The following GXYLT2 variants were observed in gnomAD, a reference collection of about 807,000 sequenced individuals.
The protein encoded by GXYLT2 is glycosyltransferase 8 domain containing 4.
GXYLT2 carries 53 observed loss-of-function variants against 45.8 expected under a neutral mutation model. The observed-to-expected ratio is 1.16, with a 90% CI of 0.93 to 1.46. The LOEUF (loss-of-function observed/expected upper bound fraction) is 1.46. GXYLT2 is among the 40% of genes most tolerant of loss of function. The pLI is 0.00. For missense variants in GXYLT2, 551 were observed against 544.4 expected, an observed-to-expected ratio of 1.01 and a Z score of -0.12; for synonymous variants, 219 against 214.2, an observed-to-expected ratio of 1.02 and a Z score of -0.19.
chr3:72,904,151 T>A (rs1035623889), intron 1 of GXYLT2, among the ~76,000 whole-genome samples: 1 of 152,234 alleles, frequency 6.6e-6, no homozygotes, highest in Non-Finnish European at 1.5e-5. Context: ...AAGAACGTTA[T>A]TAACCATCAG....
chr3:72,921,153 C>T (rs574506910), intron 2 of GXYLT2, among the ~76,000 whole-genome samples: 23 of 151,624 alleles, frequency 1.5e-4, no homozygotes, highest in African/African-American at 5.3e-4. Context: ...AAGACAGAAC[C>T]ATTCATTCAG....
At chr3:72,955,455 A>G (rs886246320) in intron 4 of GXYLT2, 106 bp downstream of exon 4, 42 of 955,454 alleles carry the variant, frequency 4.4e-5, no homozygotes, top group Non-Finnish European at 4.7e-5. Flanking sequence ...TGGGTGGCCT[A>G]TAGGTGAGGA....
chr3:72,928,785 C>CAA (rs10688804), intron 3 of GXYLT2, among the ~76,000 whole-genome samples: 8,114 of 150,218 alleles, frequency 0.054, 651 homozygotes, highest in African/African-American at 0.18. Context: ...GAAATAACTC[C>CAA]AAAAAAAAAC....
chr3:72,955,973 G>A (rs1261382579), intron 4 of GXYLT2, among the ~76,000 whole-genome samples: 3 of 152,140 alleles, frequency 2.0e-5, no homozygotes, highest in Non-Finnish European at 4.4e-5. Context: ...AGCTATTCAG[G>A]AGCCTAAGGC....
chr3:72,915,356 C>CTTTT (rs1297808276), intron 2 of GXYLT2, among the ~76,000 whole-genome samples: 1 of 17,454 alleles, frequency 5.7e-5, no homozygotes, highest in African/African-American at 2.0e-4. Flanking sequence ...TTTTTTTTTG[C>CTTTT]GGGGGGGGGG....
At chr3:72,929,311 CTG>C in intron 3 of GXYLT2, 1 of 1,174,712 alleles carries the variant, frequency 8.5e-7, no homozygotes, top group Non-Finnish European at 1.3e-6. Context: ...AGAAACCAGA[CTG>C]TGACGACTGG....
At chr3:72,958,272 CAAA>C (rs59128233) in intron 5 of GXYLT2, among the ~76,000 whole-genome samples, 24,028 of 127,366 alleles carry the variant, frequency 0.19, 2,982 homozygotes, top group East Asian at 0.45. Context: ...GACTCTGTCT[CAAA>C]AAAAAAAAAA....
At chr3:72,892,820 G>A (rs1709206889) in intron 1 of GXYLT2, among the ~76,000 whole-genome samples, 1 of 152,196 alleles carries the variant, frequency 6.6e-6, no homozygotes. Flanking sequence ...ATGATATTAT[G>A]TAGTGTGAGT....
chr3:72,913,376 G>A (rs1709672844), intron 2 of GXYLT2, among the ~76,000 whole-genome samples: 1 of 151,358 alleles, frequency 6.6e-6, no homozygotes, highest in South Asian at 2.1e-4. Flanking sequence ...CTCATCTAAT[G>A]AAGGAAATTA....
intron 3 of GXYLT2, among the ~76,000 whole-genome samples, chr3:72,954,332 T>C (rs918713306): frequency 6.6e-6 from 1 of 151,502 alleles, no homozygotes; most frequent in Non-Finnish European, 1.5e-5. Flanking sequence ...GGTCTCGATC[T>C]CTTGACCTCG....
chr3:72,943,885 T>C (rs1193383654), intron 3 of GXYLT2, among the ~76,000 whole-genome samples: 1 of 151,858 alleles, frequency 6.6e-6, no homozygotes, highest in Non-Finnish European at 1.5e-5. Flanking sequence ...AGCCTTGCTA[T>C]GTTGCCCAGG....
intron 3 of GXYLT2, among the ~76,000 whole-genome samples, chr3:72,938,751 G>T (rs1268787828): frequency 6.6e-6 from 1 of 152,172 alleles, no homozygotes; most frequent in Non-Finnish European, 1.5e-5. Context: ...GTTACGCAAG[G>T]CCTGTGGAAA....
In GXYLT2 at chr3:72,888,294, G is replaced by A; in HGVS notation, c.61G>A (p.Ala21Thr). The A allele has an allele frequency of 1.0e-6, 1 of 993,996 alleles. No individual in the cohort carries two copies. Among genetic ancestry groups the A allele is most frequent in the Non-Finnish European group, 1.2e-6 (1 of 838,090 alleles). The allele number at this position is 993,996 out of a possible 1,614,324, so 61.6% of individuals were successfully genotyped here. A position where few individuals can be genotyped will look rare whatever the true frequency, so the allele number is the denominator to read the frequency against. Reference protein sequence around the residue: ...LLLALAALLLALLSLRAGRAE... With the variant: ...LLLALAALLLTLLSLRAGRAE... ...GCTCGCGCTGGCCGCGCTGCTGCTGGCGCTGCTGTCCCTGCGCGCTGGCCG... is the reference window on the plus strand; with the variant it reads ...GCTCGCGCTGGCCGCGCTGCTGCTGACGCTGCTGTCCCTGCGCGCTGGCCG... Residue 21 changes from alanine (A) to threonine (T), a missense_variant, in exon 1 of 7, where the codon GCG becomes ACG. By Grantham distance (58) the Ala-to-Thr change is moderately conservative. Transcript: ENST00000389617.
intron 1 of GXYLT2, among the ~76,000 whole-genome samples, chr3:72,896,402 C>G (rs900505165): frequency 2.0e-5 from 3 of 151,486 alleles, no homozygotes; most frequent in Non-Finnish European, 4.4e-5. Flanking sequence ...TAGTGAGACA[C>G]CCATCTCTAT....
At chr3:72,907,848 T>TC (rs915908874) in intron 1 of GXYLT2, among the ~76,000 whole-genome samples, 15 of 152,280 alleles carry the variant, frequency 9.9e-5, no homozygotes, top group African/African-American at 3.6e-4. Flanking sequence ...TTTGCTCACC[T>TC]CCCAGACTTG....
intron 1 of GXYLT2, among the ~76,000 whole-genome samples, chr3:72,889,567 G>T (rs555277482): frequency 1.3e-5 from 2 of 152,216 alleles, no homozygotes; most frequent in Non-Finnish European, 2.9e-5. Flanking sequence ...ACAATCTGTC[G>T]CTTTAAAGTA....
intron 1 of GXYLT2, among the ~76,000 whole-genome samples, chr3:72,898,416 C>T (rs771600590): frequency 6.6e-6 from 1 of 152,078 alleles, no homozygotes; most frequent in African/African-American, 2.4e-5. Flanking sequence ...ATCTCAATAA[C>T]ATGTTAATTT....
rs906969201 is a variant in GXYLT2, at chr3:72,975,246, A to G, written c.*87A>G. 1.0e-6 allele frequency: 1 copy of G among 996,678 alleles called. No homozygotes were observed. Among genetic ancestry groups the G allele is most frequent in the Non-Finnish European group, 1.4e-6 (1 of 690,454 alleles). 61.7% of individuals were successfully genotyped at this position (996,678 alleles called of 1,614,324 possible). Reference sequence around the variant, plus strand: ...GCTGCCTGGGTCTTTTTGTGTGAATATTTAATGGTGCTCCATGACTGTTGA... The same window carrying G: ...GCTGCCTGGGTCTTTTTGTGTGAATGTTTAATGGTGCTCCATGACTGTTGA... On this transcript the variant is annotated 3_prime_UTR_variant, in exon 7 of 7. Transcript: ENST00000389617.
At chr3:72,964,947 C>A (rs1293151287) in intron 5 of GXYLT2, among the ~76,000 whole-genome samples, 1 of 152,192 alleles carries the variant, frequency 6.6e-6, no homozygotes. Flanking sequence ...TTCAAAAGCA[C>A]TTTTAGATAT....
Sources: allele counts gnomAD v4.1 joint callset (sites outside exome capture counted in the v4.1 genomes callset), GRCh38; gene constraint gnomAD v4.1.1; transcripts MANE v1.5; gene names NCBI Gene and HGNC (gene_info 2026-07-23, HGNC 2026-07-21).